ZFP64: variants seen among roughly 807,000 people sequenced by gnomAD.
ZFP64 encodes the protein ZFP64 zinc finger protein, also known as zinc finger protein 64.
ZFP64 carries 14 observed loss-of-function variants against 51.6 expected under a neutral mutation model. That is an observed-to-expected ratio of 0.27 (90% CI 0.18 to 0.42). The LOEUF (loss-of-function observed/expected upper bound fraction) is 0.42. Among genes scored for constraint, ZFP64 ranks in the 10% least tolerant of loss-of-function variants. The probability of loss-of-function intolerance (pLI) is 1.00; values close to 1 mark genes in which losing one functional copy is unlikely to be tolerated. For missense variants in ZFP64, 754 were observed against 906.8 expected, an observed-to-expected ratio of 0.83 and a Z score of 2.16; for synonymous variants, 375 against 361.4, an observed-to-expected ratio of 1.04 and a Z score of -0.43.
chr20:52,099,358 G>A (rs1468692389), intron 5 of ZFP64, among the ~76,000 whole-genome samples: 2 of 151,608 alleles, frequency 1.3e-5, no homozygotes, highest in African/African-American at 4.8e-5. Context: ...CTGGATTTCT[G>A]ATTTGTTTTG....
At chr20:52,190,254 T>C (rs1441756714) in intron 1 of ZFP64, among the ~76,000 whole-genome samples, 2 of 152,178 alleles carry the variant, frequency 1.3e-5, no homozygotes, top group African/African-American at 4.8e-5. Context: ...GTAGCTTGCA[T>C]TGCTGACGAT....
chr20:52,170,656 A>T (rs1162032310), intron 2 of ZFP64, among the ~76,000 whole-genome samples: 1 of 152,196 alleles, frequency 6.6e-6, no homozygotes, highest in Non-Finnish European at 1.5e-5. Flanking sequence ...GACAATTTCC[A>T]TTCCTATCTC....
intron 4 of ZFP64, among the ~76,000 whole-genome samples, chr20:52,161,526 C>T (rs1268272963): frequency 2.2e-5 from 3 of 139,128 alleles, no homozygotes; most frequent in East Asian, 2.1e-4. Context: ...ACGGTAATTT[C>T]GATCACCTGT....
chr20:52,166,858 A>C (rs1012971314), intron 2 of ZFP64, among the ~76,000 whole-genome samples: 1 of 152,212 alleles, frequency 6.6e-6, no homozygotes, highest in Non-Finnish European at 1.5e-5. Context: ...GCTATATGAC[A>C]AAATCCTAAT....
At position 52,191,603 on chromosome 20, in the gene ZFP64, C is replaced by T. The variant is rs1984381108; in HGVS notation, c.34G>A (p.Gly12Ser). ...GAAAAGCACTTACTTTGCACCGAGCCCGCGAAGCTCTCGCCCTCGCTGCTC... is the reference window on the plus strand; with the variant it reads ...GAAAAGCACTTACTTTGCACCGAGCTCGCGAAGCTCTCGCCCTCGCTGCTC... The part of the protein sequence containing the change: ...NASSEGESFA[G>S]SVQIPGGTTV... The change falls in exon 1 of 6, where the codon GGC becomes AGC. Residue 12 changes from glycine to serine, a missense_variant. By Grantham distance (56) the Gly-to-Ser change is moderately conservative. This residue lies in a region of ZFP64 where 95 missense variants were observed against 97.7 expected (regional missense o/e 0.97). Transcript: ENST00000216923. The surrounding 1 kb of genome is among the most constrained non-coding windows in gnomAD (Gnocchi z 4.3). 3 of 1,590,178 alleles carry T rather than the reference C, an allele frequency of 1.9e-6. No individual in the cohort carries two copies. The highest frequency in any genetic ancestry group is 4.7e-5 in the East Asian group (2 of 42,976).
intron 5 of ZFP64, among the ~76,000 whole-genome samples, chr20:52,159,578 C>T (rs552511045): frequency 9.2e-5 from 14 of 152,318 alleles, no homozygotes; most frequent in South Asian, 6.2e-4. Flanking sequence ...GGGCCAGGCA[C>T]GGTGGCTCAC....
chr20:52,164,760 A>G lies in ZFP64; in HGVS notation c.449-3T>C. 1.3e-6 allele frequency: 1 copy of G among 784,298 alleles called. No individual in the cohort carries two copies. The highest frequency in any genetic ancestry group is 1.7e-6 in the Non-Finnish European group (1 of 575,410). 48.6% of individuals were successfully genotyped at this position (784,298 alleles called of 1,614,324 possible). ...ATAAGCAGTCTTGAATTGGCAACCT[A>G]AAAAAAAAAAGGAAAGATTAATTAC... is the stretch of plus-strand genomic sequence containing the variant. On this transcript the variant is annotated splice_region_variant and splice_polypyrimidine_tract_variant and intron_variant, in intron 3 of 5. Transcript: ENST00000216923.
rs960853441 is a variant in ZFP64, at chr20:52,152,032, G to A, written c.*114C>T. On this transcript the variant is annotated 3_prime_UTR_variant, in exon 6 of 6. Transcript: ENST00000216923. ...AGCCTGGGAAACAGAGCGAGACTCC[G>A]TCTCAAAAACAAAACAAAACAAAGA... 21 of 1,455,750 alleles carry A rather than the reference G, an allele frequency of 1.4e-5. No homozygotes were observed. Among genetic ancestry groups the A allele is most frequent in the East Asian group, 2.5e-5 (1 of 40,264 alleles). The allele number at this position is 1,455,750 out of a possible 1,614,324, so 90.2% of individuals were successfully genotyped here.
Position 52,152,002 on chromosome 20 carries a change from A to C in ZFP64, c.*144T>G. 1.4e-6 allele frequency: 2 copies of C among 1,430,254 alleles called. No individual in the cohort carries two copies. The highest frequency in any genetic ancestry group is 1.8e-6 in the Non-Finnish European group (2 of 1,093,306). The allele number at this position is 1,430,254 out of a possible 1,614,324, so 88.6% of individuals were successfully genotyped here. On this transcript the variant is annotated 3_prime_UTR_variant, in exon 6 of 6. Coordinates refer to ENST00000216923, the MANE Select transcript of ZFP64 (RefSeq NM_018197.3). ...CAGTGAGCCAAGATAGCGCCACTGC[A>C]CTCCAGCCTGGGAAACAGAGCGAGA...
At chr20:52,158,967 G>C (rs1220985444) in intron 5 of ZFP64, among the ~76,000 whole-genome samples, 1 of 152,178 alleles carries the variant, frequency 6.6e-6, no homozygotes. Flanking sequence ...GTTAGTCCAT[G>C]GTCCCAGGAG....
At chr20:52,105,804 C>A (rs77463604) in intron 5 of ZFP64, among the ~76,000 whole-genome samples, 23,836 of 151,846 alleles carry the variant, frequency 0.16, 2,134 homozygotes, top group Non-Finnish European at 0.21. Flanking sequence ...CTTTTAGATT[C>A]GGACTTAATT....
intron 5 of ZFP64, among the ~76,000 whole-genome samples, chr20:52,141,787 G>A (rs1218829090): frequency 6.6e-6 from 1 of 152,164 alleles, no homozygotes; most frequent in Non-Finnish European, 1.5e-5. Flanking sequence ...GGTTTTGAGA[G>A]GATTGAATCC....
Position 52,186,914 on chromosome 20 carries a change from C to G in ZFP64, c.204G>C (p.Gln68His), listed in dbSNP as rs1197633106. 1.9e-6 allele frequency: 3 copies of G among 1,614,070 alleles called. No individual in the cohort carries two copies. The change falls in exon 2 of 6, where the codon CAG becomes CAC. Residue 68 changes from glutamine to histidine, a missense_variant. Physicochemically the swap from Gln to His is conservative, Grantham distance 24. Coordinates refer to ENST00000216923, the MANE Select transcript of ZFP64 (RefSeq NM_018197.3). ...GTSAAAPSTV[Q>H]FVSEETVPAT... ...CAGGCACTGTTTCCTCCGATACAAA[C>G]TGGACCGTGCTGGGGGCTGCTGCGG...
At chr20:52,088,192 A>G in intron 8 of ZFP64, 2 of 799,322 alleles carry the variant, frequency 2.5e-6, no homozygotes, top group South Asian at 3.8e-5. Flanking sequence ...AAGATATAAA[A>G]CCCAGCTGTC....
chr20:52,117,081 GCA>G (rs74600972), intron 5 of ZFP64, among the ~76,000 whole-genome samples: 3 of 150,766 alleles, frequency 2.0e-5, no homozygotes, highest in Non-Finnish European at 4.4e-5. Context: ...ACACACACAC[GCA>G]CACACACACA....
chr20:52,111,119 C>T (rs550608202), intron 5 of ZFP64: 3 of 803,454 alleles, frequency 3.7e-6, no homozygotes, highest in East Asian at 2.7e-5. Context: ...GAGCGGGGCA[C>T]GGCGGCAGCC....
At chr20:52,108,320 G>T (rs982966651) in intron 5 of ZFP64, among the ~76,000 whole-genome samples, 6 of 152,042 alleles carry the variant, frequency 3.9e-5, no homozygotes, top group Non-Finnish European at 5.9e-5. Context: ...GATATAAAAT[G>T]GGATCTCGGT....
chr20:52,121,694 C>A (rs1979198580), intron 5 of ZFP64, among the ~76,000 whole-genome samples: 1 of 152,204 alleles, frequency 6.6e-6, no homozygotes, highest in Admixed American at 6.5e-5. Flanking sequence ...GAAGATGCAG[C>A]TAAGATCACT....
chr20:52,172,395 G>A (rs910147945), intron 2 of ZFP64, among the ~76,000 whole-genome samples: 15 of 152,164 alleles, frequency 9.9e-5, no homozygotes, highest in Middle Eastern at 3.4e-3. Context: ...AAGATTCAAG[G>A]GAAGGATAAG....
Sources: gnomAD v4.1 joint callset for allele counts (sites outside exome capture counted in the v4.1 genomes callset) on GRCh38, gnomAD v4.1.1 for gene constraint, gnomAD v4.1.1 regional missense constraint, Gnocchi (gnomAD v3.1) non-coding constraint, MANE v1.5 for transcripts, NCBI Gene and HGNC (gene_info 2026-07-23, HGNC 2026-07-21) for gene names.